Variants in UGP2 observed in about 807,000 individuals in gnomAD.
The protein encoded by UGP2 is UDP-glucose pyrophosphorylase 2.
Under a neutral mutation model 49.0 loss-of-function variants are expected in UGP2, and 40 were observed. The ratio of observed to expected loss-of-function variants is 0.82; its 90% CI spans 0.63 to 1.06. The LOEUF (loss-of-function observed/expected upper bound fraction) is 1.06, where lower values mean the gene tolerates loss of function less well. UGP2 is among the 50% of genes least tolerant of loss of function. UGP2 has a pLI of 0.00. For synonymous variants in UGP2, 225 were observed against 213.0 expected, an observed-to-expected ratio of 1.06 and a Z score of -0.49; for missense variants, 460 against 603.5, an observed-to-expected ratio of 0.76 and a Z score of 2.49.
chr2:63,860,451 T>TA (rs1263070643), intron 3 of UGP2, among the ~76,000 whole-genome samples: 1 of 152,240 alleles, frequency 6.6e-6, no homozygotes, highest in Non-Finnish European at 1.5e-5. Flanking sequence ...CTGAAATACT[T>TA]ATTATCTAGC....
chr2:63,877,389 A>G (rs1395055555), intron 3 of UGP2, among the ~76,000 whole-genome samples: 1 of 152,246 alleles, frequency 6.6e-6, no homozygotes, highest in Admixed American at 6.5e-5. Flanking sequence ...TCATTAATTT[A>G]TGGCAATGAT....
chr2:63,854,256 A>G (rs1332677533), intron 1 of UGP2, among the ~76,000 whole-genome samples: 3 of 152,186 alleles, frequency 2.0e-5, no homozygotes, highest in Non-Finnish European at 4.4e-5. Flanking sequence ...AAAATGTTTG[A>G]CTAAGGTAAT....
At chr2:63,872,979 T>G (rs1670660551) in intron 3 of UGP2, among the ~76,000 whole-genome samples, 1 of 152,148 alleles carries the variant, frequency 6.6e-6, no homozygotes, top group South Asian at 2.1e-4. Flanking sequence ...TTACTGTAAT[T>G]CACCTTCTTC....
intron 3 of UGP2, among the ~76,000 whole-genome samples, chr2:63,876,695 A>G (rs1021476796): frequency 6.6e-6 from 1 of 152,218 alleles, no homozygotes; most frequent in African/African-American, 2.4e-5. Flanking sequence ...TTAGCATGCA[A>G]GGTTATAAAT....
chr2:63,861,163 T>A (rs988082022), intron 3 of UGP2, among the ~76,000 whole-genome samples: 16 of 151,912 alleles, frequency 1.1e-4, no homozygotes, highest in Non-Finnish European at 2.1e-4. Flanking sequence ...AGTAAAAAAA[T>A]TTTTATATAT....
At chr2:63,878,768 A>G (rs113037939) in intron 3 of UGP2, among the ~76,000 whole-genome samples, 8 of 152,216 alleles carry the variant, frequency 5.3e-5, no homozygotes, top group African/African-American at 1.9e-4. Flanking sequence ...GTCTCACCAT[A>G]TTGCCCAAGC....
At position 63,856,463 on chromosome 2, in the gene UGP2, C is replaced by G. The variant is rs766939160; in HGVS notation, c.147+30C>G. On this transcript the variant is annotated intron_variant, in intron 2 of 9. Coordinates refer to ENST00000337130, the MANE Select transcript of UGP2 (RefSeq NM_006759.4). ...GGAGGTTTCTACAGTGTTCCACCCC[C>G]CCGCCCCTCCCTTCATCTGTCTTCA... 1.1e-5 allele frequency: 18 copies of G among 1,588,732 alleles called. No individual in the cohort carries two copies. The East Asian group carries it at 2.2e-4, about 20-fold the overall frequency.
chr2:63,879,139 A>G (rs2104343851), intron 3 of UGP2, among the ~76,000 whole-genome samples: 1 of 152,264 alleles, frequency 6.6e-6, no homozygotes, highest in East Asian at 1.9e-4. Context: ...TATACCAAAC[A>G]TTTCTGTAAA....
Position 63,891,251 on chromosome 2 carries a change from A to C in UGP2, c.*24A>C. The C allele has an allele frequency of 6.4e-7, 1 of 1,570,218 alleles. No homozygotes were observed. Among genetic ancestry groups the C allele is most frequent in the Non-Finnish European group, 8.8e-7 (1 of 1,142,138 alleles). ...GAAATGAAAAATACTGTGGACACTT[A>C]AATAATGGGCTAGTTTCTTACAATG... On this transcript the variant is annotated 3_prime_UTR_variant, in exon 10 of 10. Coordinates refer to ENST00000337130, the MANE Select transcript of UGP2 (RefSeq NM_006759.4).
At chr2:63,875,784 A>G (rs1670869183) in intron 3 of UGP2, among the ~76,000 whole-genome samples, 2 of 152,146 alleles carry the variant, frequency 1.3e-5, no homozygotes, top group African/African-American at 2.4e-5. Flanking sequence ...CACCTCACCT[A>G]TGGAGTTTCC....
intron 3 of UGP2, among the ~76,000 whole-genome samples, chr2:63,861,906 A>G (rs1002646092): frequency 6.6e-6 from 1 of 152,106 alleles, no homozygotes; most frequent in Non-Finnish European, 1.5e-5. Context: ...CTATCAATAC[A>G]AAAAACATTA....
At chr2:63,888,066 T>A (rs973037712) in intron 8 of UGP2, 1 of 163,426 alleles carries the variant, frequency 6.1e-6, no homozygotes, top group Non-Finnish European at 1.4e-5. Flanking sequence ...GAAAGGATGA[T>A]AAGTAAGTAA....
At chr2:63,870,460 T>G (rs959911217) in intron 3 of UGP2, among the ~76,000 whole-genome samples, 9 of 152,200 alleles carry the variant, frequency 5.9e-5, no homozygotes, top group African/African-American at 2.2e-4. Flanking sequence ...AAATTTCTTA[T>G]GCAAAACAAA....
intron 3 of UGP2, among the ~76,000 whole-genome samples, chr2:63,858,587 T>C (rs1052696274): frequency 1.3e-5 from 2 of 152,130 alleles, no homozygotes; most frequent in African/African-American, 4.8e-5. Flanking sequence ...CCTCTTATTT[T>C]TGATGTTAAA....
chr2:63,856,101 A>G (rs1301325978), intron 1 of UGP2: 3 of 511,354 alleles, frequency 5.9e-6, no homozygotes, highest in South Asian at 2.9e-5. Context: ...ATACCTCTCA[A>G]GGGGTTCTTG....
intron 8 of UGP2, chr2:63,888,039 A>T (rs555736024): frequency 6.0e-6 from 1 of 166,152 alleles, no homozygotes; most frequent in Admixed American, 5.7e-5. Flanking sequence ...TCTTCACGGA[A>T]TTGACATTCT....
upstream of UGP2, chr2:63,841,720 G>T (rs1335528635): frequency 6.4e-6 from 1 of 155,094 alleles, no homozygotes; most frequent in Non-Finnish European, 1.4e-5. Context: ...GGTTTTCGGG[G>T]GAGGCGTTTG....
chr2:63,846,365 A>G (rs1297823289), intron 1 of UGP2, among the ~76,000 whole-genome samples: 4 of 152,214 alleles, frequency 2.6e-5, no homozygotes, highest in African/African-American at 9.6e-5. Flanking sequence ...AACTTAATAA[A>G]TAGTGAAGAG....
chr2:63,875,425 C>A (rs1402271285), intron 3 of UGP2, among the ~76,000 whole-genome samples: 3 of 152,184 alleles, frequency 2.0e-5, no homozygotes, highest in African/African-American at 7.2e-5. Flanking sequence ...CTGGGTTATC[C>A]TATTACTAAT....
Sources: allele counts gnomAD v4.1 joint callset (sites outside exome capture counted in the v4.1 genomes callset), GRCh38; gene constraint gnomAD v4.1.1; transcripts MANE v1.5; gene names NCBI Gene and HGNC (gene_info 2026-07-23, HGNC 2026-07-21).